The following TCAIM variants were observed in gnomAD, a reference collection of about 807,000 sequenced individuals.
TCAIM encodes T-cell activation inhibitor, mitochondrial.
TCAIM carries 36 observed loss-of-function variants against 58.6 expected under a neutral mutation model. The ratio of observed to expected loss-of-function variants is 0.61; its 90% CI spans 0.47 to 0.81. The LOEUF (loss-of-function observed/expected upper bound fraction) is 0.81, where lower values mean the gene tolerates loss of function less well. Ranked by LOEUF, TCAIM falls within the 30% of genes least tolerant of loss-of-function variation. The pLI, the probability that TCAIM is intolerant of heterozygous loss-of-function variation, is 0.00. For missense variants in TCAIM, 466 were observed against 579.6 expected (o/e 0.80, Z 2.01); for synonymous variants, 172 against 193.6 (o/e 0.89, Z 0.93).
chr3:44,363,165 C>T (rs1389253373), intron 4 of TCAIM: 1 of 152,174 alleles, frequency 6.6e-6, no homozygotes, highest in Non-Finnish European at 1.5e-5. Flanking sequence ...AAAGAGTAAA[C>T]TGAATTTAAA....
intron 6 of TCAIM, among the ~76,000 whole-genome samples, chr3:44,394,950 A>ATG (rs1415119586): frequency 2.1e-4 from 23 of 108,298 alleles, no homozygotes; most frequent in Non-Finnish European, 4.1e-4. Flanking sequence ...ATATATATAT[A>ATG]TATATATATG....
At chr3:44,362,622 T>G in intron 4 of TCAIM, 1 of 387,806 alleles carries the variant, frequency 2.6e-6, no homozygotes. Context: ...ACTTAGAGTT[T>G]TATTAAAAAT....
intron 4 of TCAIM, among the ~76,000 whole-genome samples, chr3:44,366,405 A>G (rs2125637070): frequency 6.6e-6 from 1 of 150,548 alleles, no homozygotes; most frequent in African/African-American, 2.5e-5. Context: ...CTCCTGCCTC[A>G]GCCTCCCGAG....
intron 6 of TCAIM, among the ~76,000 whole-genome samples, chr3:44,394,665 G>A (rs971778903): frequency 1.3e-5 from 2 of 151,308 alleles, no homozygotes; most frequent in Non-Finnish European, 2.9e-5. Flanking sequence ...GGAGGCCAAG[G>A]CGGGCAGATC....
chr3:44,359,187 C>A, intron 3 of TCAIM: 1 of 636,798 alleles, frequency 1.6e-6, no homozygotes, highest in Non-Finnish European at 2.0e-6. Context: ...GGAATTCAAG[C>A]CTGGGCAACA....
chr3:44,361,530 AT>A lies in TCAIM; in HGVS notation c.319+15del. On this transcript the variant is annotated intron_variant, in intron 4 of 10. Transcript: ENST00000342649. ...TTTTAGTACTTCCGGTACGTTTTTTATTTCTGGTGTGTCCCTTGCAAGCTTA... is the reference window on the plus strand; with the variant it reads ...TTTTAGTACTTCCGGTACGTTTTTTATTCTGGTGTGTCCCTTGCAAGCTTA... The A allele has an allele frequency of 6.3e-7, 1 of 1,584,390 alleles. No homozygotes were observed. Among genetic ancestry groups the A allele is most frequent in the Non-Finnish European group, 8.6e-7 (1 of 1,169,054 alleles).
chr3:44,342,533 A>T (rs1256462275), intron 1 of TCAIM, among the ~76,000 whole-genome samples: 1 of 151,700 alleles, frequency 6.6e-6, no homozygotes, highest in African/African-American at 2.4e-5. Flanking sequence ...TATCAATCAA[A>T]TTTTTTTTTA....
In TCAIM at chr3:44,357,681, T is replaced by C. The variant is rs544054751; in HGVS notation, c.30-60T>C. On this transcript the variant is annotated intron_variant, in intron 2 of 10. Transcript: ENST00000342649. ...GTTTAGTTTTATTGTCACTTATACA[T>C]TGAGGATTTGTGTGTGTGTGAGTGC... 182 of 1,594,490 alleles carry C rather than the reference T, an allele frequency of 1.1e-4. 1 individual carries two copies. In the South Asian group the frequency reaches 1.9e-3, roughly 16 times the overall value.
Position 44,367,490 on chromosome 3 carries a change from A to G in TCAIM, c.354A>G (p.Arg118=). The G allele has an allele frequency of 6.2e-7, 1 of 1,613,618 alleles. No individual in the cohort carries two copies. The highest frequency in any genetic ancestry group is 8.5e-7 in the Non-Finnish European group (1 of 1,179,612). Residue 118 remains arginine, a synonymous_variant, in exon 5 of 11, where the codon AGA becomes AGG. Coordinates refer to ENST00000342649, the MANE Select transcript of TCAIM (RefSeq NM_173826.4). ...FRAVKFTLHT[R]DLLSTVLYIL... ...CAGTCAAATTTACTTTGCACACCAG[A>G]GATCTGCTAAGCACAGTGTTATATA...
chr3:44,396,658 A>G, intron 7 of TCAIM, 85 bp from the exon 8 acceptor site: 1 of 1,487,604 alleles, frequency 6.7e-7, no homozygotes, highest in East Asian at 2.3e-5. Flanking sequence ...TACTGAATTT[A>G]ATCCTGGGTT....
chr3:44,361,083 T>C (rs757017607), intron 3 of TCAIM, among the ~76,000 whole-genome samples: 2 of 152,270 alleles, frequency 1.3e-5, no homozygotes, highest in Non-Finnish European at 2.9e-5. Context: ...TATTTAGTCA[T>C]TGGCATTTTC....
At chr3:44,347,239 G>A (rs981585145) in intron 1 of TCAIM, among the ~76,000 whole-genome samples, 1 of 152,178 alleles carries the variant, frequency 6.6e-6, no homozygotes, top group Non-Finnish European at 1.5e-5. Context: ...AACAGATGTT[G>A]GAGGAGCAGG....
chr3:44,364,121 G>T (rs1029863837), intron 4 of TCAIM, among the ~76,000 whole-genome samples: 3 of 151,168 alleles, frequency 2.0e-5, no homozygotes, highest in African/African-American at 7.3e-5. Context: ...TAGAGACGGG[G>T]TTTCACCATG....
At chr3:44,396,211 T>C in intron 6 of TCAIM, among the ~76,000 whole-genome samples, 189 bp from the exon 7 acceptor site, 1 of 152,394 alleles carries the variant, frequency 6.6e-6, no homozygotes, top group East Asian at 1.9e-4. Context: ...TGGTAAACAA[T>C]TCATTTTCCA....
intron 6 of TCAIM, among the ~76,000 whole-genome samples, chr3:44,393,915 C>T (rs1395937043): frequency 6.6e-6 from 1 of 151,998 alleles, no homozygotes; most frequent in Non-Finnish European, 1.5e-5. Flanking sequence ...ATATAAAGAT[C>T]CATGCTGAAA....
intron 3 of TCAIM, among the ~76,000 whole-genome samples, 155 bp from the exon 4 acceptor site, chr3:44,361,210 C>T (rs1313190805): frequency 6.6e-6 from 1 of 151,994 alleles, no homozygotes; most frequent in Non-Finnish European, 1.5e-5. Context: ...GATGTAGATC[C>T]AATTTTATCT....
Position 44,361,655 on chromosome 3 carries a change from G to T in TCAIM, c.319+137G>T, listed in dbSNP as rs1452303278. 3.2e-6 allele frequency: 3 copies of T among 942,542 alleles called. No homozygotes were observed. In the East Asian group the frequency reaches 8.9e-5, roughly 28 times the overall value. The allele number at this position is 942,542 out of a possible 1,614,324, so 58.4% of individuals were successfully genotyped here. ...TAGCATTTAATTGATTGTTTTCCTAGAATTAGATTCTATTCCTACCTGCAT... is the reference window on the plus strand; with the variant it reads ...TAGCATTTAATTGATTGTTTTCCTATAATTAGATTCTATTCCTACCTGCAT... On this transcript the variant is annotated intron_variant, in intron 4 of 10. Coordinates refer to ENST00000342649, the MANE Select transcript of TCAIM (RefSeq NM_173826.4).
intron 5 of TCAIM, among the ~76,000 whole-genome samples, chr3:44,383,932 AAGGTT>A (rs1701695298): frequency 6.6e-6 from 1 of 152,126 alleles, no homozygotes; most frequent in Admixed American, 6.6e-5. Flanking sequence ...AGAAAAAAAT[AAGGTT>A]AGGAAAAATA....
intron 3 of TCAIM, chr3:44,358,705 C>T (rs911485954): frequency 1.0e-6 from 1 of 987,088 alleles, no homozygotes; most frequent in Non-Finnish European, 1.2e-6. Flanking sequence ...GAACCAATCC[C>T]CTATGGATAC....
Sources: gnomAD v4.1 joint callset for allele counts (sites outside exome capture counted in the v4.1 genomes callset) on GRCh38, gnomAD v4.1.1 for gene constraint, MANE v1.5 for transcripts, NCBI Gene and HGNC (gene_info 2026-07-23, HGNC 2026-07-21) for gene names.